The following SNX29 variants were observed in gnomAD, a reference collection of about 807,000 sequenced individuals.
SNX29 encodes the protein sorting nexin-29.
In SNX29, 78 loss-of-function variants were observed where a neutral mutation model predicts 102.1. That is an observed-to-expected ratio of 0.76 (90% CI 0.64 to 0.92). The LOEUF (loss-of-function observed/expected upper bound fraction) is 0.92, where lower values mean the gene tolerates loss of function less well. Ranked by LOEUF, SNX29 falls within the 40% of genes least tolerant of loss-of-function variation. The probability of loss-of-function intolerance (pLI) is 0.00; values close to 1 mark genes in which losing one functional copy is unlikely to be tolerated. For synonymous variants in SNX29, 580 were observed against 414.5 expected (o/e 1.40, Z -4.85); for missense variants, 1,280 against 1,061.7 (o/e 1.21, Z -2.86).
intron 19 of SNX29, among the ~76,000 whole-genome samples, chr16:12,509,651 G>GCAGCA (rs1288266815): frequency 5.9e-5 from 9 of 152,164 alleles, no homozygotes; most frequent in Non-Finnish European, 8.8e-5. Flanking sequence ...AAGGGTAGTG[G>GCAGCA]CTTACACCTG....
Position 12,277,946 on chromosome 16 carries a change from G to T in SNX29, c.1692G>T (p.Trp564Cys), listed in dbSNP as rs773113273. 3 of 1,607,804 alleles carry T rather than the reference G, an allele frequency of 1.9e-6. No homozygotes were observed. The highest frequency in any genetic ancestry group is 2.5e-6 in the Non-Finnish European group (3 of 1,177,010). The part of the protein sequence containing the change: ...EGQTAEVPNL[W>C]SVDGEVTVAE... ...CTTTCTCTAAAGTGCCAAATCTTTG[G>T]AGTGTTGATGGAGAAGTTACAGTAG... Residue 564 changes from tryptophan (W) to cysteine (C), a missense_variant, in exon 15 of 21, where the codon TGG becomes TGT. Coordinates refer to ENST00000566228, the MANE Select transcript of SNX29 (RefSeq NM_032167.5).
At chr16:12,565,439 C>T (rs1273845510) in intron 20 of SNX29, among the ~76,000 whole-genome samples, 1 of 152,196 alleles carries the variant, frequency 6.6e-6, no homozygotes, top group Non-Finnish European at 1.5e-5. Flanking sequence ...CGTGGCCTCA[C>T]CTGCCCCCTC....
intron 18 of SNX29, among the ~76,000 whole-genome samples, chr16:12,416,288 C>T (rs1027262272): frequency 2.0e-5 from 3 of 152,084 alleles, no homozygotes; most frequent in Non-Finnish European, 2.9e-5. Context: ...TCTCGGGGCA[C>T]CGCCCAGTCA....
At chr16:12,129,987 C>G (rs2054387004) in intron 13 of SNX29, among the ~76,000 whole-genome samples, 2 of 150,862 alleles carry the variant, frequency 1.3e-5, no homozygotes, top group South Asian at 4.2e-4. Context: ...GCCTGTAGTC[C>G]CAGCTACTTG....
intron 4 of SNX29, among the ~76,000 whole-genome samples, chr16:12,042,627 G>A (rs1216772452): frequency 2.0e-5 from 3 of 152,202 alleles, no homozygotes; most frequent in African/African-American, 7.2e-5. Flanking sequence ...ATGGCCTCCA[G>A]TCATCCATGT....
At chr16:12,544,389 A>C (rs1162938219) in intron 20 of SNX29, among the ~76,000 whole-genome samples, 1 of 152,144 alleles carries the variant, frequency 6.6e-6, no homozygotes, top group African/African-American at 2.4e-5. Context: ...AGGCGTTGTG[A>C]GGTGGTTCTG....
chr16:12,084,108 GTACTTC>G (rs2052043744), intron 11 of SNX29, among the ~76,000 whole-genome samples: 1 of 152,020 alleles, frequency 6.6e-6, no homozygotes, highest in African/African-American at 2.4e-5. Context: ...AGGCCCTCTG[GTACTTC>G]AGAAAATACA....
Position 12,521,318 on chromosome 16 carries a change from C to T in SNX29, c.2179-3384C>T, listed in dbSNP as rs577396390. Reference sequence around the variant, plus strand: ...CATATTGGACATTCCTAGAGCAGAACCTGGCTTAGGTTTCCAGGAAGCAGC... The same window carrying T: ...CATATTGGACATTCCTAGAGCAGAATCTGGCTTAGGTTTCCAGGAAGCAGC... On this transcript the variant is annotated intron_variant, in intron 19 of 20. Transcript: ENST00000566228. 3.1e-3 allele frequency among the ~76,000 whole-genome samples: 466 copies of T among 152,176 alleles called. 4 individuals carry two copies. Among genetic ancestry groups the T allele is most frequent in the African/African-American group, 0.01 (433 of 41,494 alleles).
intron 13 of SNX29, among the ~76,000 whole-genome samples, chr16:12,137,248 C>G (rs973459670): frequency 6.6e-6 from 1 of 152,200 alleles, no homozygotes; most frequent in Admixed American, 6.5e-5. Flanking sequence ...GTGAATGTCA[C>G]CTAATTTCTT....
intron 13 of SNX29, among the ~76,000 whole-genome samples, chr16:12,190,104 G>A (rs1346495707): frequency 6.6e-6 from 1 of 152,094 alleles, no homozygotes; most frequent in Non-Finnish European, 1.5e-5. Context: ...AGAAAGTCAG[G>A]GTTATGGGGA....
At chr16:12,054,056 C>T (rs112951949) in intron 8 of SNX29, among the ~76,000 whole-genome samples, 59,189 of 151,240 alleles carry the variant, frequency 0.39, 12,281 homozygotes, top group Middle Eastern at 0.5. Context: ...CAAACTCCGC[C>T]TCCCGGGTTC....
At position 12,051,914 on chromosome 16, in the gene SNX29, G is replaced by C. The variant is rs768415269; in HGVS notation, c.816G>C (p.Glu272Asp). ...KVTNIISFDD[E>D]EDEQNSGDVF... ...CCAACATAATCTCATTTGATGATGA[G>C]GAAGATGAGCAGAACTCTGGGGACG... The change falls in exon 8 of 21, where the codon GAG becomes GAC. Residue 272 changes from glutamate to aspartate, a missense_variant. By Grantham distance (45) the Glu-to-Asp change is conservative. Coordinates refer to ENST00000566228, the MANE Select transcript of SNX29 (RefSeq NM_032167.5). 6.2e-7 allele frequency: 1 copy of C among 1,613,700 alleles called. No individual in the cohort carries two copies. The highest frequency in any genetic ancestry group is 1.7e-5 in the Admixed American group (1 of 59,970).
intron 19 of SNX29, among the ~76,000 whole-genome samples, chr16:12,506,213 G>A (rs1457545570): frequency 3.3e-5 from 5 of 152,080 alleles, no homozygotes; most frequent in African/African-American, 9.7e-5. Context: ...CGCCTGCCTC[G>A]GCCTCCCAAA....
intron 13 of SNX29, among the ~76,000 whole-genome samples, chr16:12,155,107 G>C (rs188911706): frequency 2.6e-5 from 4 of 152,166 alleles, no homozygotes; most frequent in African/African-American, 9.6e-5. Context: ...CCTTGTTCTG[G>C]ACTTCTTGCT....
At chr16:11,995,143 G>A (rs2056013310) in intron 1 of SNX29, among the ~76,000 whole-genome samples, 1 of 152,180 alleles carries the variant, frequency 6.6e-6, no homozygotes, top group Non-Finnish European at 1.5e-5. Context: ...TTGGCTCACT[G>A]TAACCTCCGT....
intron 8 of SNX29, among the ~76,000 whole-genome samples, chr16:12,053,665 T>C (rs532289388): frequency 1.8e-5 from 1 of 54,342 alleles, no homozygotes; most frequent in East Asian, 2.3e-4. Flanking sequence ...AATATTAGGG[T>C]TTTTTTTTTT....
intron 3 of SNX29, among the ~76,000 whole-genome samples, chr16:12,019,288 A>G (rs1193853963): frequency 6.6e-6 from 1 of 152,028 alleles, no homozygotes; most frequent in African/African-American, 2.4e-5. Flanking sequence ...GCTCACGGCA[A>G]GCTCCGCCTC....
In SNX29 at chr16:12,042,996, G is replaced by A. The variant is rs199909749; in HGVS notation, c.347G>A (p.Arg116His). ...ATCGCCTCAGACGTGGGCCGGGGTC[G>A]CGCCTGGCTGCGCTGTGCCCTCAAC... ...RHIASDVGRG[R>H]AWLRCALNEH... is the part of the protein sequence containing the mutation. The change falls in exon 5 of 21, where the codon CGC becomes CAC. Residue 116 changes from arginine (R) to histidine (H), a missense_variant. By Grantham distance (29) the Arg-to-His change is conservative. Coordinates refer to ENST00000566228, the MANE Select transcript of SNX29 (RefSeq NM_032167.5). 3.1e-6 allele frequency: 5 copies of A among 1,613,576 alleles called. No individual in the cohort carries two copies. The highest frequency in any genetic ancestry group is 3.4e-6 in the Non-Finnish European group (4 of 1,179,870).
At position 12,572,379 on chromosome 16, in the gene SNX29, C is replaced by G. The variant is rs1379587934; in HGVS notation, c.*3750C>G. On this transcript the variant is annotated 3_prime_UTR_variant, in exon 21 of 21. Coordinates refer to ENST00000566228, the MANE Select transcript of SNX29 (RefSeq NM_032167.5). ...AGCAGGCTCTGCCTTCTGGAGGCGGCTTATATCCCAACAGCCTGAGGCAGG... is the reference window on the plus strand; with the variant it reads ...AGCAGGCTCTGCCTTCTGGAGGCGGGTTATATCCCAACAGCCTGAGGCAGG... The G allele has an allele frequency of 1.5e-5, 16 of 1,062,964 alleles. No individual in the cohort carries two copies. In the East Asian group the frequency reaches 7.6e-4, roughly 50 times the overall value. The allele number at this position is 1,062,964 out of a possible 1,614,324, so 65.8% of individuals were successfully genotyped here. A position where few individuals can be genotyped will look rare whatever the true frequency, so the allele number is the denominator to read the frequency against.
Sources: gnomAD v4.1 joint callset for allele counts (sites outside exome capture counted in the v4.1 genomes callset) on GRCh38, gnomAD v4.1.1 for gene constraint, MANE v1.5 for transcripts, NCBI Gene and HGNC (gene_info 2026-07-23, HGNC 2026-07-21) for gene names.